Variants in EDEM3 observed in about 807,000 individuals in gnomAD.
EDEM3 encodes the protein ER degradation enhancing alpha-mannosidase like protein 3.
EDEM3 carries 60 observed loss-of-function variants against 110.2 expected under a neutral mutation model. The observed-to-expected ratio is 0.54, with a 90% CI of 0.44 to 0.67. The LOEUF (loss-of-function observed/expected upper bound fraction) is 0.67, where lower values mean the gene tolerates loss of function less well. Ranked by LOEUF, EDEM3 falls within the 30% of genes least tolerant of loss-of-function variation. EDEM3 has a pLI of 0.00. For missense variants in EDEM3, 996 were observed against 1,121.0 expected (o/e 0.89, Z 1.59); for synonymous variants, 352 against 382.9 (o/e 0.92, Z 0.94).
In EDEM3 at chr1:184,705,768, G is replaced by T. The variant is rs530013803; in HGVS notation, c.2203+875C>A. Among the ~76,000 whole-genome samples, 10 of 152,166 alleles carry T rather than the reference G, an allele frequency of 6.6e-5. No homozygotes were observed. The East Asian group carries it at 1.9e-3, about 29-fold the overall frequency. ...CAAAAGAACTCACAATCAGCATATT[G>T]TGAGCCCAGGTCTTACAGTTCTTTC... On this transcript the variant is annotated intron_variant, in intron 18 of 19. Coordinates refer to ENST00000318130, the MANE Select transcript of EDEM3 (RefSeq NM_025191.4).
At chr1:184,747,603 G>A (rs1037315628) in intron 2 of EDEM3, among the ~76,000 whole-genome samples, 2 of 152,188 alleles carry the variant, frequency 1.3e-5, no homozygotes, top group African/African-American at 2.4e-5. Context: ...CAGTGGACAC[G>A]TATGGTCCCA....
chr1:184,715,811 T>G (rs748942219), intron 13 of EDEM3, among the ~76,000 whole-genome samples: 8 of 152,296 alleles, frequency 5.3e-5, no homozygotes, highest in Non-Finnish European at 1.0e-4. Flanking sequence ...CTGCTTTTAT[T>G]TCTTGCTATT....
At chr1:184,728,003 T>C (rs1285617629) in intron 6 of EDEM3, among the ~76,000 whole-genome samples, 1 of 152,222 alleles carries the variant, frequency 6.6e-6, no homozygotes. Context: ...AGGTAAAGTA[T>C]AATTTTACAA....
chr1:184,707,546 T>G (rs1649996184), intron 17 of EDEM3, among the ~76,000 whole-genome samples: 3 of 152,348 alleles, frequency 2.0e-5, no homozygotes, highest in African/African-American at 7.2e-5. Context: ...AAAGTCTAAA[T>G]TAGCAGTAAT....
intron 6 of EDEM3, among the ~76,000 whole-genome samples, chr1:184,729,961 T>G (rs963578752): frequency 6.6e-6 from 1 of 152,166 alleles, no homozygotes; most frequent in South Asian, 2.1e-4. Flanking sequence ...GTTTATATAT[T>G]GTTTAAAAAA....
At chr1:184,737,581 T>A in intron 3 of EDEM3, 30 bp downstream of exon 3, 1 of 1,600,634 alleles carries the variant, frequency 6.2e-7, no homozygotes, top group South Asian at 1.1e-5. Flanking sequence ...AACTCTGAGA[T>A]GCCATGCCAT....
chr1:184,718,022 CAT>C (rs1571375691), intron 11 of EDEM3, among the ~76,000 whole-genome samples: 2 of 151,878 alleles, frequency 1.3e-5, no homozygotes, highest in East Asian at 3.9e-4. Context: ...ATAAAAGTGA[CAT>C]ATATTTATGG....
At chr1:184,736,156 C>T (rs1433619913) in intron 4 of EDEM3, among the ~76,000 whole-genome samples, 2 of 152,072 alleles carry the variant, frequency 1.3e-5, no homozygotes, top group Non-Finnish European at 2.9e-5. Flanking sequence ...TCCCACTCCA[C>T]AACAACTGAA....
intron 19 of EDEM3, among the ~76,000 whole-genome samples, chr1:184,695,026 C>T (rs1426378819): frequency 6.6e-6 from 1 of 151,886 alleles, no homozygotes; most frequent in East Asian, 1.9e-4. Flanking sequence ...AAGACAAGAA[C>T]TGAGATTATT....
At chr1:184,695,578 T>C (rs1212388233) in intron 19 of EDEM3, among the ~76,000 whole-genome samples, 1 of 152,030 alleles carries the variant, frequency 6.6e-6, no homozygotes, top group Non-Finnish European at 1.5e-5. Flanking sequence ...GTATACTGTA[T>C]TGTTTGGAGA....
At chr1:184,713,072 C>T (rs1650346911) in intron 13 of EDEM3, among the ~76,000 whole-genome samples, 1 of 152,100 alleles carries the variant, frequency 6.6e-6, no homozygotes, top group South Asian at 2.1e-4. Flanking sequence ...CATGTAATTT[C>T]CTGGCCAACA....
In EDEM3 at chr1:184,734,613, C is replaced by A. The variant is rs763352377; in HGVS notation, c.376G>T (p.Ala126Ser). The A allele has an allele frequency of 6.6e-7, 1 of 1,525,634 alleles. No homozygotes were observed. Among genetic ancestry groups the A allele is most frequent in the South Asian group, 1.3e-5 (1 of 79,350 alleles). The allele number at this position is 1,525,634 out of a possible 1,614,324, so 94.5% of individuals were successfully genotyped here. Residue 126 changes from alanine (A) to serine (S), a missense_variant, in exon 5 of 20, where the codon GCA becomes TCA. Ala to Ser is a moderately conservative substitution (Grantham distance 99). This residue lies in a region of EDEM3 where 200 missense variants were observed against 183.8 expected (regional missense o/e 1.09). Coordinates refer to ENST00000318130, the MANE Select transcript of EDEM3 (RefSeq NM_025191.4). ...ACATCTCTTAAAACTTTTCTCACTGCATCTTCAAATTCTTTAGTTTTATTT... is the reference window on the plus strand; with the variant it reads ...ACATCTCTTAAAACTTTTCTCACTGAATCTTCAAATTCTTTAGTTTTATTT... The part of the protein sequence containing the change: ...VLNKTKEFED[A>S]VRKVLRDVNL...
chr1:184,701,168 T>C (rs1218582859), intron 19 of EDEM3, among the ~76,000 whole-genome samples: 2 of 152,008 alleles, frequency 1.3e-5, no homozygotes, highest in Non-Finnish European at 2.9e-5. Flanking sequence ...CATGAGCTTT[T>C]AAAACAAGTC....
chr1:184,723,965 T>G, intron 7 of EDEM3, 109 bp from the exon 8 acceptor site: 1 of 753,258 alleles, frequency 1.3e-6, no homozygotes, highest in Non-Finnish European at 2.0e-6. Flanking sequence ...TAGGATATTT[T>G]AAGAATTAGG....
chr1:184,723,432 T>G (rs187785726), intron 8 of EDEM3, among the ~76,000 whole-genome samples: 15 of 152,142 alleles, frequency 9.9e-5, no homozygotes, highest in Admixed American at 3.3e-4. Context: ...AAACCCATAT[T>G]CTTACTAAAC....
chr1:184,718,100 T>C (rs1406282548), intron 11 of EDEM3, among the ~76,000 whole-genome samples: 3 of 152,076 alleles, frequency 2.0e-5, no homozygotes, highest in South Asian at 2.1e-4. Context: ...AATTAACATA[T>C]GCATTATCTC....
At chr1:184,711,634 T>C in intron 15 of EDEM3, 89 bp downstream of exon 15, 1 of 1,249,920 alleles carries the variant, frequency 8.0e-7, no homozygotes, top group Admixed American at 2.6e-5. Context: ...GTGAATGTCT[T>C]CTTGGCTGTT....
rs543171233 is a variant in EDEM3, at chr1:184,698,987, C to T, written c.2389+3824G>A. Among the ~76,000 whole-genome samples, 9 of 151,914 alleles carry T rather than the reference C, an allele frequency of 5.9e-5. No homozygotes were observed. The South Asian group carries it at 1.2e-3, about 21-fold the overall frequency. On this transcript the variant is annotated intron_variant, in intron 19 of 19. Coordinates refer to ENST00000318130, the MANE Select transcript of EDEM3 (RefSeq NM_025191.4). ...TGCTACAAATCTTGATCCTAAGGTGCCTGTTTTCACCAGTATGTGAGATCA... is the reference window on the plus strand; with the variant it reads ...TGCTACAAATCTTGATCCTAAGGTGTCTGTTTTCACCAGTATGTGAGATCA...
intron 13 of EDEM3, among the ~76,000 whole-genome samples, chr1:184,714,062 T>C (rs904512276): frequency 2.0e-5 from 3 of 152,236 alleles, no homozygotes; most frequent in African/African-American, 4.8e-5. Context: ...AATACACTTA[T>C]CATAATTCAA....
Sources: gnomAD v4.1 joint callset for allele counts (sites outside exome capture counted in the v4.1 genomes callset) on GRCh38, gnomAD v4.1.1 for gene constraint, gnomAD v4.1.1 regional missense constraint, MANE v1.5 for transcripts, NCBI Gene and HGNC (gene_info 2026-07-23, HGNC 2026-07-21) for gene names.